Variants in SMIM10L3 observed in about 807,000 individuals in gnomAD.
SMIM10L3 encodes the protein salivary gland specific protein SAGSIN1.
the SMIM10L3 span, among the ~76,000 whole-genome samples, chr7:6,335,725 T>C: frequency 1.3e-5 from 2 of 152,120 alleles, no homozygotes; most frequent in Non-Finnish European, 2.9e-5. Flanking sequence ...CATTATTCTA[T>C]ATAATTCACT....
chr7:6,338,268 T>G, the SMIM10L3 span, among the ~76,000 whole-genome samples: 4 of 152,174 alleles, frequency 2.6e-5, no homozygotes, highest in African/African-American at 9.6e-5. Context: ...TTTTCATAGT[T>G]TTTTCTCAGT....
chr7:6,348,612 G>C, the SMIM10L3 span: 4 of 482,216 alleles, frequency 8.3e-6, no homozygotes, highest in African/African-American at 8.0e-5. Flanking sequence ...CCACGATGTA[G>C]AGGTAGGGGA....
At chr7:6,348,638 G>A in the SMIM10L3 span, 2 of 506,256 alleles carry the variant, frequency 4.0e-6, no homozygotes, top group South Asian at 3.0e-5. Context: ...ATACGCAGCC[G>A]CCAGGCCAGG....
chr7:6,329,592 C>T, the SMIM10L3 span: 3 of 157,152 alleles, frequency 1.9e-5, no homozygotes, highest in Non-Finnish European at 4.4e-5. Flanking sequence ...CTTAAATGAC[C>T]TTTATTAAAG....
chr7:6,345,576 C>T, the SMIM10L3 span, among the ~76,000 whole-genome samples: 1 of 152,118 alleles, frequency 6.6e-6, no homozygotes, highest in Non-Finnish European at 1.5e-5. Flanking sequence ...TGGTAAAGAG[C>T]ATACCAATTT....
chr7:6,347,862 T>C, the SMIM10L3 span, among the ~76,000 whole-genome samples: 1 of 148,016 alleles, frequency 6.8e-6, no homozygotes, highest in South Asian at 2.2e-4. Flanking sequence ...GAGACCAGCC[T>C]GGGCAACATA....
the SMIM10L3 span, among the ~76,000 whole-genome samples, chr7:6,344,578 C>G: frequency 6.6e-6 from 1 of 151,958 alleles, no homozygotes; most frequent in Non-Finnish European, 1.5e-5. Context: ...ACCACCACGC[C>G]CAGCTAATTT....
At chr7:6,341,404 T>C in the SMIM10L3 span, among the ~76,000 whole-genome samples, 13 of 143,910 alleles carry the variant, frequency 9.0e-5, no homozygotes, top group Admixed American at 1.4e-4. Context: ...ATCGCGCCAC[T>C]GTACTCCAGC....
the SMIM10L3 span, among the ~76,000 whole-genome samples, chr7:6,348,046 G>A: frequency 6.6e-6 from 1 of 151,362 alleles, no homozygotes; most frequent in Non-Finnish European, 1.5e-5. Context: ...GAGTAGCTGG[G>A]ATTACAGGCA....
the SMIM10L3 span, among the ~76,000 whole-genome samples, chr7:6,332,668 C>G: frequency 1.1e-4 from 16 of 151,896 alleles, no homozygotes; most frequent in African/African-American, 3.6e-4. Context: ...ACTCTGCCCT[C>G]TGACCTGGGC....
At chr7:6,333,439 CAGGA>C in the SMIM10L3 span, among the ~76,000 whole-genome samples, 1 of 151,968 alleles carries the variant, frequency 6.6e-6, no homozygotes, top group African/African-American at 2.4e-5. Context: ...TTCCACAGAG[CAGGA>C]AAAAGAAAGA....
At chr7:6,336,028 T>C in the SMIM10L3 span, among the ~76,000 whole-genome samples, 10 of 151,534 alleles carry the variant, frequency 6.6e-5, no homozygotes, top group East Asian at 2.0e-3. Context: ...CAAAAATTAA[T>C]GGGGCATGGT....
At chr7:6,346,468 G>A in the SMIM10L3 span, among the ~76,000 whole-genome samples, 4 of 152,166 alleles carry the variant, frequency 2.6e-5, no homozygotes, top group African/African-American at 7.2e-5. Flanking sequence ...CCAGGCTCAA[G>A]CGATCCTCCC....
the SMIM10L3 span, among the ~76,000 whole-genome samples, chr7:6,343,435 T>C: frequency 7.0e-4 from 74 of 106,268 alleles, 3 homozygotes; most frequent in African/African-American, 2.5e-3. Flanking sequence ...TATATATATA[T>C]ATATATATAT....
chr7:6,343,086 G>GA, the SMIM10L3 span, among the ~76,000 whole-genome samples: 8 of 149,954 alleles, frequency 5.3e-5, no homozygotes, highest in African/African-American at 2.0e-4. Context: ...GAAAAGAAAA[G>GA]AAAAAATTGG....
At chr7:6,331,916 T>C in the SMIM10L3 span, among the ~76,000 whole-genome samples, 1 of 151,966 alleles carries the variant, frequency 6.6e-6, no homozygotes, top group Non-Finnish European at 1.5e-5. Flanking sequence ...AATTCATTTT[T>C]TGTATTTTTA....
chr7:6,334,098 G>C, the SMIM10L3 span, among the ~76,000 whole-genome samples: 1 of 150,854 alleles, frequency 6.6e-6, no homozygotes, highest in South Asian at 2.1e-4. Context: ...CGCCCACCTT[G>C]GCCTCCCAAA....
chr7:6,340,596 T>C, the SMIM10L3 span, among the ~76,000 whole-genome samples: 1 of 152,064 alleles, frequency 6.6e-6, no homozygotes, highest in South Asian at 2.1e-4. Flanking sequence ...GAGGGCAGGT[T>C]GACAATGACT....
the SMIM10L3 span, among the ~76,000 whole-genome samples, chr7:6,348,421 G>A: frequency 6.6e-6 from 1 of 152,060 alleles, no homozygotes; most frequent in Non-Finnish European, 1.5e-5. Context: ...CCACCTCAGT[G>A]GATCTCCCCA....
Sources: gnomAD v4.1 joint callset for allele counts (sites outside exome capture counted in the v4.1 genomes callset) on GRCh38, gnomAD v4.1.1 for gene constraint, MANE v1.5 for transcripts, NCBI Gene and HGNC (gene_info 2026-07-23, HGNC 2026-07-21) for gene names.